Variants in PRKAG2 observed in about 807,000 individuals in gnomAD.
PRKAG2 encodes protein kinase AMP-activated non-catalytic subunit gamma 2.
PRKAG2 carries 26 observed loss-of-function variants against 69.6 expected under a neutral mutation model. The observed-to-expected ratio is 0.37, with a 90% CI of 0.27 to 0.52. PRKAG2 has a LOEUF of 0.52. Ranked by LOEUF, PRKAG2 falls within the 20% of genes least tolerant of loss-of-function variation. The pLI, the probability that PRKAG2 is intolerant of heterozygous loss-of-function variation, is 0.90. For missense variants in PRKAG2, 557 were observed against 740.0 expected (o/e 0.75, Z 2.87); for synonymous variants, 293 against 285.0 (o/e 1.03, Z -0.28).
At chr7:151,765,652 A>T (rs950215991) in intron 3 of PRKAG2, among the ~76,000 whole-genome samples, 1 of 152,168 alleles carries the variant, frequency 6.6e-6, no homozygotes, top group African/African-American at 2.4e-5. Flanking sequence ...CTCATCTTAA[A>T]TAATTACACC....
At chr7:151,625,668 G>A (rs1161157070) in intron 5 of PRKAG2, among the ~76,000 whole-genome samples, 3 of 152,190 alleles carry the variant, frequency 2.0e-5, no homozygotes, top group African/African-American at 7.2e-5. Context: ...GCAGCAAGGA[G>A]CTGTTCTCTT....
At chr7:151,844,999 G>A (rs936720781) in intron 1 of PRKAG2, among the ~76,000 whole-genome samples, 1 of 152,138 alleles carries the variant, frequency 6.6e-6, no homozygotes, top group South Asian at 2.1e-4. Flanking sequence ...GTTGAAAAGA[G>A]TGTATGCGGA....
intron 3 of PRKAG2, among the ~76,000 whole-genome samples, chr7:151,769,478 G>C (rs1460467844): frequency 6.6e-6 from 1 of 152,220 alleles, no homozygotes; most frequent in East Asian, 1.9e-4. Flanking sequence ...TGAAGGCAGA[G>C]GCTGAAGTTA....
intron 1 of PRKAG2, among the ~76,000 whole-genome samples, chr7:151,854,881 G>A (rs1008321761): frequency 6.6e-6 from 1 of 151,952 alleles, no homozygotes; most frequent in Non-Finnish European, 1.5e-5. Context: ...GGATGGCTGA[G>A]GGCTCCATAC....
At chr7:151,576,712 G>A (rs998975952) in intron 6 of PRKAG2, among the ~76,000 whole-genome samples, 2 of 152,084 alleles carry the variant, frequency 1.3e-5, no homozygotes, top group Non-Finnish European at 2.9e-5. Flanking sequence ...TGTTGGCTAA[G>A]CTCGTCTCGA....
chr7:151,754,517 T>C (rs927294012), intron 3 of PRKAG2, among the ~76,000 whole-genome samples: 3 of 152,220 alleles, frequency 2.0e-5, no homozygotes, highest in Non-Finnish European at 4.4e-5. Flanking sequence ...GGGCCAGCAC[T>C]GGGGCTTAGG....
At position 151,797,437 on chromosome 7, in the gene PRKAG2, C is replaced by T. The variant is rs561848933; in HGVS notation, c.115-10896G>A. Among the ~76,000 whole-genome samples, 402 of 152,266 alleles carry T rather than the reference C, an allele frequency of 2.6e-3. 2 individuals are homozygous for T. The highest frequency in any genetic ancestry group is 4.6e-3 in the Non-Finnish European group (310 of 68,018). The stretch of plus-strand genomic sequence containing the variant: ...AGAGGACCTTGTGTGAGAGAGGACA[C>T]CTCTGAACGAGGGCTCAGAGACCTC... On this transcript the variant is annotated intron_variant, in intron 1 of 15. Coordinates refer to ENST00000287878, the MANE Select transcript of PRKAG2 (RefSeq NM_016203.4).
At chr7:151,604,668 C>G (rs1817074190) in intron 5 of PRKAG2, among the ~76,000 whole-genome samples, 1 of 151,978 alleles carries the variant, frequency 6.6e-6, no homozygotes, top group Non-Finnish European at 1.5e-5. Context: ...ACACACACAC[C>G]CCAACAATGT....
chr7:151,617,756 C>T (rs1160817101), intron 5 of PRKAG2, among the ~76,000 whole-genome samples: 2 of 152,026 alleles, frequency 1.3e-5, no homozygotes, highest in Non-Finnish European at 2.9e-5. Context: ...TTTACACTGT[C>T]CCAAACTTCA....
At chr7:151,755,644 C>T (rs1388770742) in intron 3 of PRKAG2, among the ~76,000 whole-genome samples, 2 of 152,228 alleles carry the variant, frequency 1.3e-5, no homozygotes, top group African/African-American at 2.4e-5. Flanking sequence ...AACACAGCTG[C>T]ACCATTAGTT....
chr7:151,683,272 C>T (rs1183869647), intron 3 of PRKAG2, among the ~76,000 whole-genome samples: 3 of 152,126 alleles, frequency 2.0e-5, no homozygotes, highest in Non-Finnish European at 2.9e-5. Context: ...AGAGGTGCCA[C>T]CAAAGGGAAC....
chr7:151,640,300 ACT>A (rs1266311678), intron 4 of PRKAG2, among the ~76,000 whole-genome samples: 5 of 152,056 alleles, frequency 3.3e-5, no homozygotes, highest in African/African-American at 7.3e-5. Context: ...ACAGAGTGAG[ACT>A]CTGTCTCAAC....
At chr7:151,866,685 A>G (rs61380959) in intron 1 of PRKAG2, among the ~76,000 whole-genome samples, 2,160 of 152,262 alleles carry the variant, frequency 0.014, 55 homozygotes, top group African/African-American at 0.05. Flanking sequence ...CAGGTGATGT[A>G]TGCTTCAAGC....
At chr7:151,738,970 G>A (rs66932632) in intron 3 of PRKAG2, among the ~76,000 whole-genome samples, 34,515 of 151,936 alleles carry the variant, frequency 0.23, 4,319 homozygotes, top group Non-Finnish European at 0.29. Flanking sequence ...TTCTATCCCC[G>A]TGAGATGAAA....
intron 3 of PRKAG2, among the ~76,000 whole-genome samples, chr7:151,757,824 G>A (rs1563607319): frequency 6.6e-6 from 1 of 152,212 alleles, no homozygotes; most frequent in Admixed American, 6.5e-5. Context: ...TGAAACAATA[G>A]AATCGAAAAT....
chr7:151,863,008 GGTAGACCCCAGGTGCAGGGGGCACTT>G (rs2079972585), intron 1 of PRKAG2, among the ~76,000 whole-genome samples: 2 of 147,302 alleles, frequency 1.4e-5, no homozygotes, highest in African/African-American at 4.9e-5. Context: ...AGGGGGTGCT[GGTAGACCCCAGGTGCAGGGGGCACTT>G]GTAGGTCCTG....
rs572356233 is a variant in PRKAG2, at chr7:151,725,233, C to CCACA, written c.467-49600_467-49597dup. On this transcript the variant is annotated intron_variant, in intron 3 of 15. Coordinates refer to ENST00000287878, the MANE Select transcript of PRKAG2 (RefSeq NM_016203.4). Reference sequence around the variant, plus strand: ...AGAGGGGGATCCTGCCACCCGCCACCCACACACACGAAGGACATCTGTGTG... The same window carrying CCACA: ...AGAGGGGGATCCTGCCACCCGCCACCCACACACACACACGAAGGACATCTGTGTG... Among the ~76,000 whole-genome samples, 104 of 152,198 alleles carry CCACA rather than the reference C, an allele frequency of 6.8e-4. 5 individuals are homozygous for CCACA. In the South Asian group the frequency reaches 0.021, roughly 30 times the overall value.
chr7:151,656,415 A>C (rs1829425470), intron 4 of PRKAG2, among the ~76,000 whole-genome samples: 1 of 151,944 alleles, frequency 6.6e-6, no homozygotes, highest in Non-Finnish European at 1.5e-5. Context: ...CATTAGCTGC[A>C]CATGGTGGTG....
At chr7:151,601,175 C>T (rs758196697) in intron 5 of PRKAG2, among the ~76,000 whole-genome samples, 40 of 152,170 alleles carry the variant, frequency 2.6e-4, no homozygotes, top group Admixed American at 1.5e-3. Context: ...AAAGCTTATG[C>T]ATCAGCCCAG....
Sources: allele counts gnomAD v4.1 joint callset (sites outside exome capture counted in the v4.1 genomes callset), GRCh38; gene constraint gnomAD v4.1.1; transcripts MANE v1.5; gene names NCBI Gene and HGNC (gene_info 2026-07-23, HGNC 2026-07-21).